MTUS1: variants seen among roughly 807,000 people sequenced by gnomAD.
MTUS1 encodes the protein microtubule-associated tumor suppressor 1.
In MTUS1, 109 loss-of-function variants were observed where a neutral mutation model predicts 120.8. The observed-to-expected ratio is 0.90, with a 90% CI of 0.77 to 1.06. The LOEUF is 1.06. Among genes scored for constraint, MTUS1 ranks in the 50% least tolerant of loss-of-function variants. The pLI is 0.00. For synonymous variants in MTUS1, 737 were observed against 550.5 expected (o/e 1.34, Z -4.74); for missense variants, 2,210 against 1,486.3 (o/e 1.49, Z -8.01).
At chr8:17,765,076 A>C (rs1050704209) in intron 1 of MTUS1, among the ~76,000 whole-genome samples, 11 of 152,178 alleles carry the variant, frequency 7.2e-5, no homozygotes, top group Non-Finnish European at 1.6e-4. Context: ...ATCATTAGGC[A>C]TTAGATTCTC....
intron 1 of MTUS1, among the ~76,000 whole-genome samples, chr8:17,789,709 C>T (rs997875807): frequency 5.3e-5 from 8 of 152,160 alleles, no homozygotes; most frequent in African/African-American, 1.9e-4. Context: ...AGGCTTTCTG[C>T]TAGCAAGAGT....
intron 1 of MTUS1, among the ~76,000 whole-genome samples, chr8:17,800,347 T>C (rs767520367): frequency 1.3e-5 from 2 of 152,170 alleles, no homozygotes; most frequent in Non-Finnish European, 2.9e-5. Flanking sequence ...TTTGGTTTCA[T>C]TGAAACAAAC....
intron 3 of MTUS1, among the ~76,000 whole-genome samples, chr8:17,735,544 G>A (rs901727548): frequency 3.9e-5 from 6 of 152,148 alleles, no homozygotes; most frequent in Non-Finnish European, 8.8e-5. Context: ...TGGCCTTGAC[G>A]TTCCCCAAGC....
chr8:17,677,475 A>C (rs1377348580), intron 7 of MTUS1, among the ~76,000 whole-genome samples: 11 of 152,222 alleles, frequency 7.2e-5, no homozygotes, highest in Non-Finnish European at 1.2e-4. Flanking sequence ...AATTTATGGA[A>C]ACTAATGGGA....
intron 7 of MTUS1, among the ~76,000 whole-genome samples, chr8:17,682,364 A>C (rs1383628388): frequency 2.6e-5 from 4 of 152,084 alleles, no homozygotes; most frequent in African/African-American, 9.7e-5. Context: ...AGAAAATTAC[A>C]AAAACTAGTC....
At chr8:17,768,168 T>G (rs1024239149) in intron 1 of MTUS1, among the ~76,000 whole-genome samples, 1 of 152,262 alleles carries the variant, frequency 6.6e-6, no homozygotes, top group African/African-American at 2.4e-5. Flanking sequence ...GTATAAATAA[T>G]GTATCACATT....
chr8:17,680,936 T>C (rs1347692955), intron 7 of MTUS1, among the ~76,000 whole-genome samples: 1 of 150,322 alleles, frequency 6.7e-6, no homozygotes, highest in African/African-American at 2.4e-5. Flanking sequence ...TAATTTGCTT[T>C]TTTTCTTTTT....
At position 17,789,041 on chromosome 8, in the gene MTUS1, T is replaced by C. The variant is rs2051544111; in HGVS notation, c.-155+12020A>G. On this transcript the variant is annotated intron_variant, in intron 1 of 14. Transcript: ENST00000693296. ...CTGTGCATGCTTTTAGTTGTCTTTTTTTTTTTTTGAGACGGAGTTTCACTC... is the reference window on the plus strand; with the variant it reads ...CTGTGCATGCTTTTAGTTGTCTTTTCTTTTTTTTGAGACGGAGTTTCACTC... Among the ~76,000 whole-genome samples, 3 of 151,482 alleles carry C rather than the reference T, an allele frequency of 2.0e-5. No individual in the cohort carries two copies. The South Asian group carries it at 6.2e-4, about 31-fold the overall frequency.
intron 6 of MTUS1, among the ~76,000 whole-genome samples, chr8:17,704,555 A>G (rs571180311): frequency 6.6e-6 from 1 of 152,296 alleles, no homozygotes; most frequent in East Asian, 1.9e-4. Context: ...TATTCTTGGC[A>G]CACTTGCTGA....
At chr8:17,796,437 A>T (rs563807822) in intron 1 of MTUS1, among the ~76,000 whole-genome samples, 40 of 152,364 alleles carry the variant, frequency 2.6e-4, no homozygotes, top group African/African-American at 9.4e-4. Context: ...TATTTACTTA[A>T]GTGAAGCACT....
At chr8:17,721,960 C>A (rs2131098396) in intron 4 of MTUS1, 1 of 1,533,286 alleles carries the variant, frequency 6.5e-7, no homozygotes. Flanking sequence ...ACTCTCATAT[C>A]CCTCATGCTT....
At chr8:17,655,075 C>A (rs1475159791) in intron 9 of MTUS1, 3 of 178,886 alleles carry the variant, frequency 1.7e-5, no homozygotes, top group Admixed American at 1.6e-4. Flanking sequence ...CAAGGAATGA[C>A]CAGGAACGAG....
At chr8:17,719,658 T>C (rs1182504218) in intron 4 of MTUS1, among the ~76,000 whole-genome samples, 1 of 152,150 alleles carries the variant, frequency 6.6e-6, no homozygotes, top group Non-Finnish European at 1.5e-5. Context: ...ACTTTCCCTC[T>C]GAACCTGGAG....
chr8:17,721,943 C>G, intron 4 of MTUS1: 6 of 1,584,482 alleles, frequency 3.8e-6, no homozygotes, highest in Non-Finnish European at 5.2e-6. Context: ...AAACTGCAGC[C>G]ATGTTCACTC....
intron 6 of MTUS1, among the ~76,000 whole-genome samples, chr8:17,689,353 T>A (rs1374029310): frequency 6.6e-6 from 1 of 151,556 alleles, no homozygotes; most frequent in Admixed American, 6.6e-5. Flanking sequence ...TCATATTATA[T>A]CAAAAAGGGT....
chr8:17,731,180 G>C (rs2131175124), intron 3 of MTUS1, among the ~76,000 whole-genome samples: 1 of 152,284 alleles, frequency 6.6e-6, no homozygotes, highest in South Asian at 2.1e-4. Flanking sequence ...ATACTTATTT[G>C]TGGTATTAAG....
At chr8:17,698,586 G>C (rs980174681) in intron 6 of MTUS1, among the ~76,000 whole-genome samples, 5 of 152,124 alleles carry the variant, frequency 3.3e-5, no homozygotes, top group African/African-American at 1.2e-4. Flanking sequence ...AATAAATGCA[G>C]AATTGTTACC....
At chr8:17,676,219 C>T (rs1813077154) in intron 7 of MTUS1, 4 of 702,508 alleles carry the variant, frequency 5.7e-6, no homozygotes, top group Non-Finnish European at 1.0e-5. Context: ...TTCCAGACAG[C>T]CTCTGCAGTA....
chr8:17,676,717 T>C (rs11203890), intron 7 of MTUS1, among the ~76,000 whole-genome samples: 90,709 of 152,004 alleles, frequency 0.6, 28,939 homozygotes, highest in East Asian at 0.82. Flanking sequence ...AGCCTTTTTC[T>C]TCCCCTCTCT....
Sources: gnomAD v4.1 joint callset for allele counts (sites outside exome capture counted in the v4.1 genomes callset) on GRCh38, gnomAD v4.1.1 for gene constraint, MANE v1.5 for transcripts, NCBI Gene and HGNC (gene_info 2026-07-23, HGNC 2026-07-21) for gene names.